SH3GL3: variants seen among roughly 807,000 people sequenced by gnomAD.
SH3GL3 encodes the protein endophilin-A3.
A neutral mutation model predicts 47.7 loss-of-function variants in SH3GL3; 33 were observed. The ratio of observed to expected loss-of-function variants is 0.69; its 90% CI spans 0.52 to 0.92. The LOEUF (loss-of-function observed/expected upper bound fraction) is 0.92. Ranked by LOEUF, SH3GL3 falls within the 40% of genes least tolerant of loss-of-function variation. The probability of loss-of-function intolerance (pLI) is 0.00; values close to 1 mark genes in which losing one functional copy is unlikely to be tolerated. For missense variants in SH3GL3, 363 were observed against 417.8 expected, an observed-to-expected ratio of 0.87 and a Z score of 1.14; for synonymous variants, 155 against 148.8, an observed-to-expected ratio of 1.04 and a Z score of -0.30.
intron 1 of SH3GL3, among the ~76,000 whole-genome samples, chr15:83,534,681 C>G (rs2043827980): frequency 6.6e-6 from 1 of 152,188 alleles, no homozygotes. Context: ...TTACCTACTT[C>G]TGTTCCCCTC....
In SH3GL3 at chr15:83,576,690, A is replaced by G; in HGVS notation, c.573A>G (p.Glu191=). The G allele has an allele frequency of 2.5e-6, 4 of 1,613,844 alleles. No homozygotes were observed. The highest frequency in any genetic ancestry group is 3.4e-6 in the Non-Finnish European group (4 of 1,179,772). ...EEVRQAVEKF[E]ESKELAERSM... ...TCAGACAAGCGGTAGAAAAATTTGA[A>G]GAGTCAAAGGAGTTGGCTGAAAGAA... is the stretch of plus-strand genomic sequence containing the variant. The change falls in exon 6 of 9, where the codon GAA becomes GAG. Residue 191 remains glutamate, a synonymous_variant. Coordinates refer to ENST00000427482, the MANE Select transcript of SH3GL3 (RefSeq NM_003027.5).
intron 1 of SH3GL3, among the ~76,000 whole-genome samples, chr15:83,522,362 A>G (rs1433180622): frequency 1.3e-5 from 2 of 152,240 alleles, no homozygotes; most frequent in Admixed American, 1.3e-4. Context: ...ATGAACAACC[A>G]TAATGTGAGT....
chr15:83,525,619 C>T (rs529870557), intron 1 of SH3GL3, among the ~76,000 whole-genome samples: 1 of 151,994 alleles, frequency 6.6e-6, no homozygotes, highest in Non-Finnish European at 1.5e-5. Flanking sequence ...TGGAGTGTTT[C>T]CCCTGAGTTT....
intron 8 of SH3GL3, among the ~76,000 whole-genome samples, chr15:83,596,016 A>G (rs2060229471): frequency 6.6e-6 from 1 of 152,090 alleles, no homozygotes; most frequent in Admixed American, 6.5e-5. Context: ...AGCGCTATCA[A>G]TTTCCCCCTA....
intron 1 of SH3GL3, among the ~76,000 whole-genome samples, chr15:83,521,096 T>C (rs2043182624): frequency 6.6e-6 from 1 of 152,214 alleles, no homozygotes. Flanking sequence ...TATTTATTCT[T>C]CCCTTTCCAG....
chr15:83,550,156 C>A (rs1214601518), intron 1 of SH3GL3, among the ~76,000 whole-genome samples: 1 of 152,124 alleles, frequency 6.6e-6, no homozygotes, highest in Non-Finnish European at 1.5e-5. Context: ...ATTGTGTTGC[C>A]ATGTTCTCCA....
chr15:83,525,932 ATT>A (rs1031165534), intron 1 of SH3GL3, among the ~76,000 whole-genome samples: 3 of 151,816 alleles, frequency 2.0e-5, no homozygotes, highest in African/African-American at 7.3e-5. Context: ...TAGTTCTGTA[ATT>A]TTTTTGACAT....
chr15:83,549,384 C>A (rs148531380), intron 1 of SH3GL3, among the ~76,000 whole-genome samples: 3 of 152,092 alleles, frequency 2.0e-5, no homozygotes, highest in East Asian at 1.9e-4. Flanking sequence ...TTTATTCTGG[C>A]GGATAATGAG....
chr15:83,584,330 C>T (rs535869709), intron 6 of SH3GL3, among the ~76,000 whole-genome samples: 2 of 152,314 alleles, frequency 1.3e-5, no homozygotes, highest in South Asian at 4.1e-4. Context: ...GCCATTCAGA[C>T]GTTCCAAAAT....
the SH3GL3 span, among the ~76,000 whole-genome samples, chr15:83,627,861 C>T: frequency 7.9e-4 from 120 of 152,086 alleles, no homozygotes; most frequent in Non-Finnish European, 1.5e-3. Context: ...CAAACTGAGG[C>T]ATAAAACAAG....
At chr15:83,582,917 C>G (rs1462136370) in intron 6 of SH3GL3, among the ~76,000 whole-genome samples, 1 of 152,200 alleles carries the variant, frequency 6.6e-6, no homozygotes, top group Non-Finnish European at 1.5e-5. Context: ...CAAACTTTCT[C>G]AGAAACTCTG....
At chr15:83,457,994 A>G (rs928490942) in intron 1 of SH3GL3, among the ~76,000 whole-genome samples, 4 of 152,176 alleles carry the variant, frequency 2.6e-5, no homozygotes, top group Non-Finnish European at 5.9e-5. Flanking sequence ...TTATTAACAA[A>G]CGGAATGTAA....
At chr15:83,517,622 C>T (rs1596160442) in intron 1 of SH3GL3, among the ~76,000 whole-genome samples, 1 of 152,018 alleles carries the variant, frequency 6.6e-6, no homozygotes, top group African/African-American at 2.4e-5. Context: ...ACTATTTTGT[C>T]CATTTTTCTC....
At chr15:83,580,042 A>C (rs760681864) in intron 6 of SH3GL3, among the ~76,000 whole-genome samples, 5 of 152,230 alleles carry the variant, frequency 3.3e-5, no homozygotes, top group Non-Finnish European at 7.3e-5. Context: ...TTGATGGGGC[A>C]TACATTGAAC....
At position 83,612,013 on chromosome 15, in the gene SH3GL3, C is replaced by CAA. The variant is rs530768134; in HGVS notation, c.839-6056_839-6055dup. On this transcript the variant is annotated intron_variant, in intron 8 of 8. Transcript: ENST00000427482. Reference sequence around the variant, plus strand: ...TCTTTTTTCCATTTCTGTTGTTGACCAAAAAAAAAAAAAAGCTTTAAAATC... The same window carrying CAA: ...TCTTTTTTCCATTTCTGTTGTTGACCAAAAAAAAAAAAAAAAGCTTTAAAATC... 5.8e-4 allele frequency among the ~76,000 whole-genome samples: 75 copies of CAA among 128,542 alleles called. 2 individuals are homozygous for CAA. Among genetic ancestry groups the CAA allele is most frequent in the East Asian group, 2.3e-3 (7 of 3,014 alleles). 84.3% of individuals were successfully genotyped at this position (128,542 alleles called of 152,430 possible). A position where few individuals can be genotyped will look rare whatever the true frequency, so the allele number is the denominator to read the frequency against.
At chr15:83,557,819 A>G (rs2045040184) in intron 1 of SH3GL3, among the ~76,000 whole-genome samples, 1 of 152,202 alleles carries the variant, frequency 6.6e-6, no homozygotes, top group African/African-American at 2.4e-5. Context: ...CCCAGCCCAG[A>G]TTCACTAGGT....
intron 8 of SH3GL3, among the ~76,000 whole-genome samples, chr15:83,605,747 G>A (rs1463740907): frequency 6.6e-6 from 1 of 152,168 alleles, no homozygotes; most frequent in Non-Finnish European, 1.5e-5. Context: ...CTGGCTGGGA[G>A]AAACGAGTGC....
chr15:83,564,720 A>T (rs1202951409), intron 2 of SH3GL3, among the ~76,000 whole-genome samples: 1 of 152,206 alleles, frequency 6.6e-6, no homozygotes, highest in African/African-American at 2.4e-5. Flanking sequence ...GGCAGTTGCT[A>T]ATATGAATCA....
intron 8 of SH3GL3, among the ~76,000 whole-genome samples, chr15:83,605,149 C>T (rs2060482996): frequency 6.6e-6 from 1 of 152,218 alleles, no homozygotes; most frequent in African/African-American, 2.4e-5. Context: ...TAAGAAGGCT[C>T]AGTGTCCCAT....
Sources: gnomAD v4.1 joint callset for allele counts (sites outside exome capture counted in the v4.1 genomes callset) on GRCh38, gnomAD v4.1.1 for gene constraint, MANE v1.5 for transcripts, NCBI Gene and HGNC (gene_info 2026-07-23, HGNC 2026-07-21) for gene names.